Variants in PCM1 observed in about 807,000 individuals in gnomAD.
PCM1 encodes the protein pericentriolar material 1.
In PCM1, 157 loss-of-function variants were observed where a neutral mutation model predicts 241.9. The observed-to-expected ratio is 0.65, with a 90% CI of 0.57 to 0.74. The LOEUF is 0.74. PCM1 is among the 30% of genes least tolerant of loss of function. The pLI is 0.00. For synonymous variants in PCM1, 1,085 were observed against 784.9 expected, an observed-to-expected ratio of 1.38 and a Z score of -6.39; for missense variants, 3,478 against 2,360.1, an observed-to-expected ratio of 1.47 and a Z score of -9.81.
At chr8:17,958,588 A>T (rs34695266) in intron 13 of PCM1, among the ~76,000 whole-genome samples, 29,913 of 152,038 alleles carry the variant, frequency 0.2, 3,794 homozygotes, top group East Asian at 0.37. Flanking sequence ...TATATATATA[A>T]AAATCATATA....
In PCM1 at chr8:17,960,388, C is replaced by G; in HGVS notation, c.2266C>G (p.Leu756Val). ...ACAATTGCAGGAAGAAAGAAAGAAA[C>G]TGATTGACATTCAGGAGAAAATTCA... ...LKQLQEERKK[L>V]IDIQEKIQAL... Residue 756 changes from leucine (L) to valine (V), a missense_variant, in exon 15 of 39, where the codon CTG (leucine) becomes GTG (valine). Leu to Val is a conservative substitution (Grantham distance 32). Transcript: ENST00000325083. 1 of 1,607,854 alleles carries G rather than the reference C, an allele frequency of 6.2e-7. No individual in the cohort carries two copies. The highest frequency in any genetic ancestry group is 8.5e-7 in the Non-Finnish European group (1 of 1,177,756).
At chr8:18,011,465 CAAAG>C (rs1311119341) in intron 33 of PCM1, 99 bp downstream of exon 33, 2 of 1,188,416 alleles carry the variant, frequency 1.7e-6, no homozygotes, top group Non-Finnish European at 2.3e-6. Flanking sequence ...AATTAAGTGT[CAAAG>C]AACTCTGATT....
intron 23 of PCM1, among the ~76,000 whole-genome samples, chr8:17,975,842 A>T (rs2078584847): frequency 6.6e-6 from 1 of 152,190 alleles, no homozygotes; most frequent in Non-Finnish European, 1.5e-5. Flanking sequence ...GTAAGAATAT[A>T]TAAATTATGT....
intron 2 of PCM1, chr8:17,925,470 A>G (rs142364417): frequency 3.2e-4 from 47 of 145,914 alleles, no homozygotes; most frequent in African/African-American, 1.1e-3. Flanking sequence ...TGCTCTTCAG[A>G]AAAAAACCTC....
intron 24 of PCM1, chr8:17,983,315 C>G (rs1587778700): frequency 7.7e-7 from 1 of 1,304,852 alleles, no homozygotes; most frequent in Non-Finnish European, 1.0e-6. Context: ...GTTTTGGTGT[C>G]CACTTTTTGT....
intron 2 of PCM1, 90 bp from the exon 3 acceptor site, chr8:17,935,499 A>G (rs772386927): frequency 7.1e-5 from 43 of 607,160 alleles, no homozygotes; most frequent in Middle Eastern, 2.6e-4. Context: ...TCAGTGCTTC[A>G]AAGATTGTAT....
chr8:17,989,342 G>T (rs2083692944), intron 26 of PCM1, among the ~76,000 whole-genome samples: 1 of 151,942 alleles, frequency 6.6e-6, no homozygotes, highest in South Asian at 2.1e-4. Flanking sequence ...TTTATCTTTA[G>T]GGAATCTGGT....
At chr8:17,994,841 G>A (rs1460358618) in intron 29 of PCM1, among the ~76,000 whole-genome samples, 1 of 151,510 alleles carries the variant, frequency 6.6e-6, no homozygotes, top group East Asian at 1.9e-4. Context: ...CTTTTGAGAA[G>A]TGTGTCTTCA....
intron 29 of PCM1, among the ~76,000 whole-genome samples, chr8:18,001,272 C>G (rs987514183): frequency 2.0e-5 from 3 of 152,082 alleles, no homozygotes; most frequent in Admixed American, 6.6e-5. Context: ...TGTGTTTATT[C>G]TGGTTTCTTT....
At chr8:17,947,111 C>G in intron 6 of PCM1, 75 bp from the exon 7 acceptor site, 3 of 834,954 alleles carry the variant, frequency 3.6e-6, no homozygotes, top group South Asian at 1.9e-5. Flanking sequence ...AATGTGTATA[C>G]TTTGCCATTG....
chr8:17,969,816 A>T, intron 22 of PCM1, 68 bp downstream of exon 22: 1 of 1,185,482 alleles, frequency 8.4e-7, no homozygotes, highest in South Asian at 1.4e-5. Context: ...ATTATGTGTA[A>T]TTTGAAAACA....
At position 17,933,189 on chromosome 8, in the gene PCM1, G is replaced by C. The variant is rs376235853; in HGVS notation, c.-22-2400G>C. 1.0e-3 allele frequency among the ~76,000 whole-genome samples: 153 copies of C among 152,208 alleles called. 2 individuals carry two copies. The South Asian group carries it at 0.031, about 31-fold the overall frequency. ...TATTTTAGCATGGTGTTTGGCATGT[G>C]GTAAGCAAAATAAAATGCGTTAGCT... On this transcript the variant is annotated intron_variant, in intron 2 of 38. Coordinates refer to ENST00000325083, the MANE Select transcript of PCM1 (RefSeq NM_006197.4).
chr8:17,963,388 A>T, intron 17 of PCM1, 97 bp downstream of exon 17: 1 of 791,404 alleles, frequency 1.3e-6, no homozygotes, highest in Non-Finnish European at 2.0e-6. Context: ...ATCACAGCAC[A>T]AATCTGCTAT....
At position 17,952,954 on chromosome 8, in the gene PCM1, G is replaced by GTT. The variant is rs372880356; in HGVS notation, c.1072-8_1072-7dup. The GTT allele has an allele frequency of 4.9e-6, 7 of 1,433,762 alleles. No individual in the cohort carries two copies. In the African/African-American group the frequency reaches 5.8e-5, roughly 12 times the overall value. The allele number at this position is 1,433,762 out of a possible 1,614,324, so 88.8% of individuals were successfully genotyped here. A position where few individuals can be genotyped will look rare whatever the true frequency, so the allele number is the denominator to read the frequency against. On this transcript the variant is annotated splice_polypyrimidine_tract_variant and intron_variant, in intron 8 of 38. Transcript: ENST00000325083. ...TTAGTCTTAATTCTTCTTTTTTGTT[G>GTT]TTTTTTTTTAATAAGCCTCCAGCTG...
Position 17,956,723 on chromosome 8 carries a change from A to G in PCM1, c.1592A>G (p.Glu531Gly). 1 of 1,608,474 alleles carries G rather than the reference A, an allele frequency of 6.2e-7. No individual in the cohort carries two copies. Among genetic ancestry groups the G allele is most frequent in the Non-Finnish European group, 8.5e-7 (1 of 1,176,724 alleles). The part of the protein sequence containing the change: ...VNENRKDEET[E>G]ESEYDSEHEN... ...GAAAACAGGAAAGATGAAGAAACTGAAGAGTCAGAATATGATTCTGAGCAT... is the reference window on the plus strand; with the variant it reads ...GAAAACAGGAAAGATGAAGAAACTGGAGAGTCAGAATATGATTCTGAGCAT... The change falls in exon 11 of 39, where the codon GAA (glutamate) becomes GGA (glycine). Residue 531 changes from glutamate to glycine, a missense_variant. Glu to Gly is a moderately conservative substitution (Grantham distance 98). Coordinates refer to ENST00000325083, the MANE Select transcript of PCM1 (RefSeq NM_006197.4).
In PCM1 at chr8:17,968,760, GTGTATA is replaced by G. The variant is rs778488756; in HGVS notation, c.3413-815_3413-810del. On this transcript the variant is annotated intron_variant, in intron 21 of 38. Transcript: ENST00000325083. ...TGTGTGTGTGTGTGTGTGTGTGTGT[GTGTATA>G]TATATATATATACACACCACAGTGT... 8.7e-4 allele frequency among the ~76,000 whole-genome samples: 111 copies of G among 128,076 alleles called. 1 individual carries two copies. The highest frequency in any genetic ancestry group is 2.1e-3 in the Admixed American group (27 of 13,152). 84.0% of individuals were successfully genotyped at this position (128,076 alleles called of 152,430 possible).
chr8:17,950,128 G>A (rs2065456927), intron 7 of PCM1, among the ~76,000 whole-genome samples: 1 of 152,164 alleles, frequency 6.6e-6, no homozygotes, highest in African/African-American at 2.4e-5. Context: ...TAAAAGCAGA[G>A]TTGGGTGGTC....
chr8:17,995,381 G>A (rs148764578), intron 29 of PCM1, among the ~76,000 whole-genome samples: 11 of 150,978 alleles, frequency 7.3e-5, no homozygotes, highest in African/African-American at 1.5e-4. Context: ...CTGTTCTATC[G>A]GTCTGTGTTT....
chr8:17,986,344 C>A, intron 26 of PCM1: 1 of 241,704 alleles, frequency 4.1e-6, no homozygotes, highest in South Asian at 1.4e-4. Flanking sequence ...TGTTATTACC[C>A]AGTATAGGGG....
Sources: allele counts gnomAD v4.1 joint callset (sites outside exome capture counted in the v4.1 genomes callset), GRCh38; gene constraint gnomAD v4.1.1; transcripts MANE v1.5; gene names NCBI Gene and HGNC (gene_info 2026-07-23, HGNC 2026-07-21).